Variants in MTERF2 observed in about 807,000 individuals in gnomAD.
MTERF2 encodes the protein mitochondrial transcription termination factor 2.
A neutral mutation model predicts 29.2 loss-of-function variants in MTERF2; 23 were observed. The observed-to-expected ratio is 0.79, with a 90% confidence interval of 0.57 to 1.12. The LOEUF is 1.12. Ranked by LOEUF, MTERF2 falls within the 50% of genes most tolerant of loss-of-function variation. The probability of loss-of-function intolerance (pLI) is 0.00; values close to 1 mark genes in which losing one functional copy is unlikely to be tolerated. For synonymous variants in MTERF2, 157 were observed against 159.5 expected (o/e 0.98, Z 0.12); for missense variants, 440 against 429.4 (o/e 1.02, Z -0.22).
At chr12:106,981,139 G>T (rs948067963) in intron 2 of MTERF2, among the ~76,000 whole-genome samples, 6 of 152,230 alleles carry the variant, frequency 3.9e-5, no homozygotes, top group African/African-American at 1.4e-4. Flanking sequence ...ACAAGCTCAG[G>T]CTGCACCTCT....
intron 1 of MTERF2, chr12:106,986,374 A>G (rs1459658518): frequency 6.6e-6 from 1 of 152,164 alleles, no homozygotes; most frequent in Non-Finnish European, 1.5e-5. Context: ...CTTCACATAT[A>G]CTAAATCATT....
Position 106,977,884 on chromosome 12 carries a change from T to G in MTERF2, c.831A>C (p.Thr277=). The change falls in exon 3 of 3, where the codon ACA becomes ACC. Residue 277 remains threonine, a synonymous_variant. Coordinates refer to ENST00000240050, the MANE Select transcript of MTERF2 (RefSeq NM_001033050.3). ...AAACTAATTGCTTCAGGTCATGATCTGTGCATTTAAAAGCATTTTTAGAGA... is the reference window on the plus strand; with the variant it reads ...AAACTAATTGCTTCAGGTCATGATCGGTGCATTTAAAAGCATTTTTAGAGA... ...ISFSKNAFKC[T]DHDLKQLVLK... 1 of 1,613,990 alleles carries G rather than the reference T, an allele frequency of 6.2e-7. No homozygotes were observed. The highest frequency in any genetic ancestry group is 8.5e-7 in the Non-Finnish European group (1 of 1,180,000).
chr12:106,983,511 A>T (rs1952075934), intron 2 of MTERF2, among the ~76,000 whole-genome samples: 1 of 152,228 alleles, frequency 6.6e-6, no homozygotes, highest in African/African-American at 2.4e-5. Flanking sequence ...TGGTCAAAGG[A>T]AGGTCAGGGA....
chr12:106,977,556 G>T lies in MTERF2; in HGVS notation c.*1C>A, dbSNP rs146650804. ...AGAAAGAAGCAACAACAGTCAGTAT[G>T]TCATTCTTCAACATTTAATGGTGCC... On this transcript the variant is annotated 3_prime_UTR_variant, in exon 3 of 3. Transcript: ENST00000240050. The T allele has an allele frequency of 6.2e-7, 1 of 1,602,140 alleles. No individual in the cohort carries two copies. Among genetic ancestry groups the T allele is most frequent in the Non-Finnish European group, 8.5e-7 (1 of 1,175,138 alleles).
rs1300127466 is a variant in MTERF2, at chr12:106,978,349, G to A, written c.366C>T (p.Val122=). 1 of 1,614,022 alleles carries A rather than the reference G, an allele frequency of 6.2e-7. No homozygotes were observed. The highest frequency in any genetic ancestry group is 2.2e-5 in the East Asian group (1 of 44,890). ...TGATTAACTCTTCCTCATTTTTGCA[G>A]ACCAACTGCCAGAGTTTTCTCTGGG... The part of the protein sequence containing the change: ...VNTQRKLWQL[V]CKNEEELIKL... The change falls in exon 3 of 3, where the codon GTC becomes GTT. Residue 122 remains valine, a synonymous_variant. Coordinates refer to ENST00000240050, the MANE Select transcript of MTERF2 (RefSeq NM_001033050.3).
Position 106,978,317 on chromosome 12 carries a change from A to G in MTERF2, c.398T>C (p.Ile133Thr), listed in dbSNP as rs768217441. The G allele has an allele frequency of 9.3e-6, 15 of 1,614,184 alleles. No homozygotes were observed. Among genetic ancestry groups the G allele is most frequent in the Middle Eastern group, 3.3e-4 (2 of 6,062 alleles). Residue 133 changes from isoleucine to threonine, a missense_variant, in exon 3 of 3, where the codon ATA (isoleucine) becomes ACA (threonine). Physicochemically the swap from Ile to Thr is moderately conservative, Grantham distance 89. Coordinates refer to ENST00000240050, the MANE Select transcript of MTERF2 (RefSeq NM_001033050.3). ...CKNEEELIKL[I>T]EQFPESFFTI... The stretch of plus-strand genomic sequence containing the variant: ...AAAGAAAGATTCTGGAAACTGCTCT[A>G]TTAACTTGATTAACTCTTCCTCATT...
At chr12:106,984,955 CAGAGT>C (rs1952093785) in intron 2 of MTERF2, among the ~76,000 whole-genome samples, 155 bp downstream of exon 2, 1 of 152,320 alleles carries the variant, frequency 6.6e-6, no homozygotes, top group South Asian at 2.1e-4. Flanking sequence ...CAGCTTTTAG[CAGAGT>C]TGACCACTTT....
chr12:106,985,993 T>TG, intron 1 of MTERF2: 1 of 152,290 alleles, frequency 6.6e-6, no homozygotes, highest in East Asian at 1.9e-4. Flanking sequence ...GCAGGATTCA[T>TG]GGACACCCTG....
chr12:106,984,056 T>C (rs1952082410), intron 2 of MTERF2, among the ~76,000 whole-genome samples: 1 of 152,222 alleles, frequency 6.6e-6, no homozygotes, highest in African/African-American at 2.4e-5. Context: ...TCAGCAGACA[T>C]AAACCTATCA....
chr12:106,978,680 C>A lies in MTERF2; in HGVS notation c.35G>T (p.Cys12Phe). The change falls in exon 3 of 3, where the codon TGC becomes TTC. Residue 12 changes from cysteine to phenylalanine, a missense_variant. Physicochemically the swap from Cys to Phe is radical, Grantham distance 205 (BLOSUM62 -2). Coordinates refer to ENST00000240050, the MANE Select transcript of MTERF2 (RefSeq NM_001033050.3). ...LWKLLLRSQS[C>F]RLCSFRKMRS... is the part of the protein sequence containing the mutation. ...CATCTTTCTGAAAGAACACAGCCTG[C>A]AGGACTGGGATCTCAGCAGCAGCTT... is the stretch of plus-strand genomic sequence containing the variant. The A allele has an allele frequency of 6.2e-7, 1 of 1,613,958 alleles. No individual in the cohort carries two copies. The highest frequency in any genetic ancestry group is 8.5e-7 in the Non-Finnish European group (1 of 1,179,922).
chr12:106,978,182 T>C lies in MTERF2; in HGVS notation c.533A>G (p.His178Arg), dbSNP rs1019773250. Reference protein sequence around the residue: ...RLLTAAPNVFHNPVEKNKQMV... With the variant: ...RLLTAAPNVFRNPVEKNKQMV... The stretch of plus-strand genomic sequence containing the variant: ...TTGCTTATTCTTCTCAACAGGATTA[T>C]GAAAAACATTAGGTGCAGCTGTCAA... The change falls in exon 3 of 3, where the codon CAT becomes CGT. Residue 178 changes from histidine (H) to arginine (R), a missense_variant. His to Arg is a conservative substitution (Grantham distance 29, BLOSUM62 0). Coordinates refer to ENST00000240050, the MANE Select transcript of MTERF2 (RefSeq NM_001033050.3). The C allele has an allele frequency of 6.2e-7, 1 of 1,613,998 alleles. No homozygotes were observed. Among genetic ancestry groups the C allele is most frequent in the African/African-American group, 1.3e-5 (1 of 75,062 alleles).
intron 2 of MTERF2, among the ~76,000 whole-genome samples, chr12:106,983,372 C>G (rs1363515078): frequency 3.9e-5 from 6 of 152,140 alleles, no homozygotes; most frequent in African/African-American, 1.2e-4. Flanking sequence ...ATGAATTTGC[C>G]TATTCTAGGT....
chr12:106,981,300 T>C (rs960941627), intron 2 of MTERF2, among the ~76,000 whole-genome samples: 1 of 152,130 alleles, frequency 6.6e-6, no homozygotes, highest in Non-Finnish European at 1.5e-5. Context: ...ATTCAATGAG[T>C]ATTACCAGCA....
chr12:106,978,370 C>T lies in MTERF2; in HGVS notation c.345G>A (p.Gln115=). The T allele has an allele frequency of 6.2e-7, 1 of 1,614,150 alleles. No individual in the cohort carries two copies. Among genetic ancestry groups the T allele is most frequent in the South Asian group, 1.1e-5 (1 of 91,070 alleles). The change falls in exon 3 of 3, where the codon CAG becomes CAA. Residue 115 remains glutamine, a synonymous_variant. Coordinates refer to ENST00000240050, the MANE Select transcript of MTERF2 (RefSeq NM_001033050.3). ...TGCAGACCAACTGCCAGAGTTTTCT[C>T]TGGGTGTTAACAGCGGTTGGACTAC... ...IVCSPTAVNT[Q]RKLWQLVCKN...
intron 2 of MTERF2, 58 bp from the exon 3 acceptor site, chr12:106,978,829 C>T: frequency 6.9e-6 from 6 of 866,502 alleles, no homozygotes; most frequent in South Asian, 2.1e-5. Context: ...AGAACACATA[C>T]ACTTACAAAT....
At position 106,977,794 on chromosome 12, in the gene MTERF2, C is replaced by T. The variant is rs964124533; in HGVS notation, c.921G>A (p.Leu307=). 2.9e-5 allele frequency: 46 copies of T among 1,613,848 alleles called. No individual in the cohort carries two copies. Among genetic ancestry groups the T allele is most frequent in the Non-Finnish European group, 3.6e-5 (42 of 1,180,002 alleles). Residue 307 remains leucine (L), a synonymous_variant, in exon 3 of 3, where the codon TTG becomes TTA. Transcript: ENST00000240050. ...PVLEERMQGL[L]REGISIAQIR... ...TCTGAGCTATGGAAATTCCTTCTCT[C>T]AATAATCCTTGCATTCTCTCTTCTA...
At chr12:106,982,916 ACTT>A (rs751116164) in intron 2 of MTERF2, among the ~76,000 whole-genome samples, 14 of 152,260 alleles carry the variant, frequency 9.2e-5, no homozygotes, top group African/African-American at 2.2e-4. Flanking sequence ...CACTAATTTA[ACTT>A]CTTTTTATTA....
In MTERF2 at chr12:106,977,825, G is replaced by GGACA; in HGVS notation, c.889_890insTGTC (p.Pro297LeufsTer29). On this transcript the variant is annotated frameshift_variant, in exon 3 of 3. Coordinates refer to ENST00000240050, the MANE Select transcript of MTERF2 (RefSeq NM_001033050.3). LOFTEE classifies it high-confidence loss of function. The stretch of plus-strand genomic sequence containing the variant: ...TCCTTGCATTCTCTCTTCTAAAACT[G>GGACA]GAACAGAATAATATAAAAGGGCAGG... 2 of 1,613,784 alleles carry GGACA rather than the reference G, an allele frequency of 1.2e-6. No individual in the cohort carries two copies. The highest frequency in any genetic ancestry group is 1.7e-6 in the Non-Finnish European group (2 of 1,179,980).
At position 106,978,604 on chromosome 12, in the gene MTERF2, A is replaced by G; in HGVS notation, c.111T>C (p.Thr37=). The change falls in exon 3 of 3, where the codon ACT becomes ACC. Residue 37 remains threonine, a synonymous_variant. Coordinates refer to ENST00000240050, the MANE Select transcript of MTERF2 (RefSeq NM_001033050.3). The part of the protein sequence containing the change: ...RPFLACFTYT[T]DKQSSKENTR... ...TATTTTCTTTGCTCGACTGTTTATC[A>G]GTTGTATAGGTGAAGCATGCTAAGA... 3 of 1,614,158 alleles carry G rather than the reference A, an allele frequency of 1.9e-6. No individual in the cohort carries two copies. Among genetic ancestry groups the G allele is most frequent in the Non-Finnish European group, 2.5e-6 (3 of 1,180,030 alleles).
Sources: allele counts gnomAD v4.1 joint callset (sites outside exome capture counted in the v4.1 genomes callset), GRCh38; gene constraint gnomAD v4.1.1; transcripts MANE v1.5; gene names NCBI Gene and HGNC (gene_info 2026-07-23, HGNC 2026-07-21).